The following ODAD1 variants were observed in gnomAD, a reference collection of about 807,000 sequenced individuals.
The protein encoded by ODAD1 is outer dynein arm-docking complex subunit 1.
Under a neutral mutation model 67.2 loss-of-function variants are expected in ODAD1, and 49 were observed. That is an observed-to-expected ratio of 0.73 (90% CI 0.58 to 0.92). ODAD1 has a LOEUF of 0.92. Ranked by LOEUF, ODAD1 falls within the 40% of genes least tolerant of loss-of-function variation. The probability of loss-of-function intolerance (pLI) is 0.00; values close to 1 mark genes in which losing one functional copy is unlikely to be tolerated. For synonymous variants in ODAD1, 345 were observed against 393.7 expected, an observed-to-expected ratio of 0.88 and a Z score of 1.46; for missense variants, 897 against 953.7, an observed-to-expected ratio of 0.94 and a Z score of 0.78.
chr19:48,312,140 GT>G, intron 5 of ODAD1, 24 bp from the exon 6 acceptor site: 6 of 1,546,538 alleles, frequency 3.9e-6, no homozygotes, highest in African/African-American at 1.4e-5. Context: ...GATGGTACCT[GT>G]TTTTGGTTGC....
At chr19:48,318,920 G>A (rs925764655) in intron 3 of ODAD1, 108 bp from the exon 4 acceptor site, 11 of 679,416 alleles carry the variant, frequency 1.6e-5, no homozygotes, top group Non-Finnish European at 2.6e-5. Context: ...AACTGCAACT[G>A]AACTGCAGAT....
At chr19:48,299,676 G>C (rs1236598554) in intron 12 of ODAD1, among the ~76,000 whole-genome samples, 1 of 151,836 alleles carries the variant, frequency 6.6e-6, no homozygotes, top group East Asian at 1.9e-4. Context: ...GGTGGTGTGT[G>C]CCTGTAATCC....
chr19:48,303,447 G>A, intron 10 of ODAD1: 1 of 622,192 alleles, frequency 1.6e-6, no homozygotes, highest in Middle Eastern at 4.3e-4. Flanking sequence ...CCCAGGCCCA[G>A]GAGTTAGGAG....
At chr19:48,315,103 G>C (rs978161296) in intron 5 of ODAD1, among the ~76,000 whole-genome samples, 1 of 151,366 alleles carries the variant, frequency 6.6e-6, no homozygotes, top group Non-Finnish European at 1.5e-5. Flanking sequence ...TAGAGACAGG[G>C]TCTCACTCTG....
At chr19:48,306,897 T>A (rs1968621640) in intron 7 of ODAD1, among the ~76,000 whole-genome samples, 1 of 148,844 alleles carries the variant, frequency 6.7e-6, no homozygotes, top group African/African-American at 2.5e-5. Flanking sequence ...AAATACAAAA[T>A]TAGGGCCAGG....
rs376898748 is a variant in ODAD1, at chr19:48,302,668, G to A, written c.1240+26C>T. On this transcript the variant is annotated intron_variant, in intron 12 of 15. Coordinates refer to ENST00000674294, the MANE Select transcript of ODAD1 (RefSeq NM_001364171.2). ...CCTTCCAAGTGGAGAAGCCAGGCTC[G>A]GGAGGGGGCGCCCATGGGTGCTCAC... The A allele has an allele frequency of 2.9e-4, 458 of 1,589,112 alleles. 1 individual carries two copies. The highest frequency in any genetic ancestry group is 2.3e-3 in the Middle Eastern group (13 of 5,726).
Position 48,321,908 on chromosome 19 carries a change from A to T in ODAD1, c.-294T>A, listed in dbSNP as rs1273489226. 2.5e-6 allele frequency: 1 copy of T among 397,592 alleles called. No individual in the cohort carries two copies. The highest frequency in any genetic ancestry group is 3.6e-5 in the East Asian group (1 of 28,072). The allele number at this position is 397,592 out of a possible 1,614,324, so 24.6% of individuals were successfully genotyped here. On this transcript the variant is annotated 5_prime_UTR_variant, in exon 1 of 16. The change creates a new upstream start codon in the 5' untranslated region. Coordinates refer to ENST00000674294, the MANE Select transcript of ODAD1 (RefSeq NM_001364171.2). The stretch of plus-strand genomic sequence containing the variant: ...GCGGTTCACTACGCAAGCGCGACCA[A>T]CGGCTTCCCGGGAAGCAGCCAAAAA...
intron 5 of ODAD1, among the ~76,000 whole-genome samples, chr19:48,314,536 T>C (rs1968848457): frequency 6.6e-6 from 1 of 152,196 alleles, no homozygotes; most frequent in Non-Finnish European, 1.5e-5. Context: ...CCACATGAAC[T>C]GCTAGCTTAA....
At chr19:48,302,103 G>A (rs888039555) in intron 12 of ODAD1, among the ~76,000 whole-genome samples, 19 of 150,470 alleles carry the variant, frequency 1.3e-4, no homozygotes, top group Non-Finnish European at 1.0e-4. Context: ...TGAATGGATG[G>A]ATGGATGGAT....
At chr19:48,319,997 C>T in intron 3 of ODAD1, 1 of 1,025,556 alleles carries the variant, frequency 9.8e-7, no homozygotes, top group Non-Finnish European at 1.2e-6. Flanking sequence ...AGAAAGCCTA[C>T]TCTAGCCACA....
chr19:48,317,126 G>A (rs1234567637), intron 5 of ODAD1, among the ~76,000 whole-genome samples: 3 of 152,000 alleles, frequency 2.0e-5, no homozygotes, highest in African/African-American at 4.8e-5. Flanking sequence ...CTCAAGACAC[G>A]CACCACTGTG....
rs1600864322 is a variant in ODAD1, at chr19:48,306,292, G to C, written c.629C>G (p.Thr210Ser). 2 of 1,551,548 alleles carry C rather than the reference G, an allele frequency of 1.3e-6. No individual in the cohort carries two copies. The highest frequency in any genetic ancestry group is 4.9e-5 in the East Asian group (2 of 40,898). The stretch of plus-strand genomic sequence containing the variant: ...GGCAGAGGTGGAGGAGAGGATAAGG[G>C]TGCTGACCAGGTGATGCAGGTGGTG... ...EIHHLHHLVS[T>S]LILSSTSAYA... Residue 210 changes from threonine to serine, a missense_variant, in exon 8 of 16, where the codon ACC becomes AGC. By Grantham distance (58) the Thr-to-Ser change is moderately conservative. Coordinates refer to ENST00000674294, the MANE Select transcript of ODAD1 (RefSeq NM_001364171.2).
chr19:48,297,329 G>A lies in ODAD1; in HGVS notation c.1771C>T (p.Arg591Cys), dbSNP rs369825835. ...SILSHKTSRDRGSLGHVTFGG... is the reference protein window; with the variant it reads ...SILSHKTSRDCGSLGHVTFGG... ...AAAGTGACGTGGCCAAGAGAGCCAC[G>A]GTCTCTGCTAGTCTTGTGGCTCAAA... The change falls in exon 16 of 16, where the codon CGT (arginine) becomes TGT (cysteine). Residue 591 changes from arginine (R) to cysteine (C), a missense_variant. Transcript: ENST00000674294. 2.5e-5 allele frequency: 40 copies of A among 1,612,940 alleles called. No individual in the cohort carries two copies. In the African/African-American group the frequency reaches 2.8e-4, roughly 11 times the overall value.
rs1968558806 is a variant in ODAD1 at position 48,304,594 on chromosome 19, G to A, written c.666-454C>T. Among the ~76,000 whole-genome samples, 3 of 145,942 alleles carry A rather than the reference G, an allele frequency of 2.1e-5. No homozygotes were observed. The South Asian group carries it at 6.7e-4, about 33-fold the overall frequency. On this transcript the variant is annotated intron_variant, in intron 8 of 15. Transcript: ENST00000674294. The stretch of plus-strand genomic sequence containing the variant: ...AGATCGCACCACTGCACTCCAGCCT[G>A]GGTGGCAAGAGCGAAACTGTCTCAA...
intron 12 of ODAD1, 74 bp from the exon 13 acceptor site, chr19:48,298,414 C>T: frequency 6.8e-7 from 1 of 1,463,074 alleles, no homozygotes; most frequent in Non-Finnish European, 9.5e-7. Context: ...CACTCAGGTC[C>T]TCACTGCCCC....
intron 3 of ODAD1, chr19:48,319,966 G>C (rs1968994486): frequency 1.2e-6 from 1 of 866,394 alleles, no homozygotes; most frequent in African/African-American, 1.8e-5. Flanking sequence ...CCCACCCCAA[G>C]AGTCAACAGT....
intron 7 of ODAD1, among the ~76,000 whole-genome samples, chr19:48,308,943 G>A (rs1015341881): frequency 1.1e-4 from 17 of 151,912 alleles, no homozygotes; most frequent in African/African-American, 4.1e-4. Flanking sequence ...CCGGGGACAA[G>A]CGAGGGTCCT....
chr19:48,301,815 C>CTGGATGGATGGA (rs201641397), intron 12 of ODAD1, among the ~76,000 whole-genome samples: 4 of 145,306 alleles, frequency 2.8e-5, no homozygotes, highest in African/African-American at 5.2e-5. Context: ...GGAATAGATC[C>CTGGATGGATGGA]TGGATGGATG....
At chr19:48,297,547 AC>A in intron 15 of ODAD1, 29 bp from the exon 16 acceptor site, 1 of 1,597,826 alleles carries the variant, frequency 6.3e-7, no homozygotes, top group Non-Finnish European at 8.5e-7. Flanking sequence ...GGGCCCCGAC[AC>A]ACACTGAGGC....
Sources: allele counts gnomAD v4.1 joint callset (sites outside exome capture counted in the v4.1 genomes callset), GRCh38; gene constraint gnomAD v4.1.1; transcripts MANE v1.5; gene names NCBI Gene and HGNC (gene_info 2026-07-23, HGNC 2026-07-21).